Variants in SOX5 observed in about 807,000 individuals in gnomAD.
SOX5 encodes transcription factor SOX-5.
A neutral mutation model predicts 92.0 loss-of-function variants in SOX5; 9 were observed. The observed-to-expected ratio is 0.10, with a 90% CI of 0.06 to 0.17. The LOEUF (loss-of-function observed/expected upper bound fraction) is 0.17. Among genes scored for constraint, SOX5 ranks in the 10% least tolerant of loss-of-function variants. SOX5 has a pLI of 1.00. For synonymous variants in SOX5, 344 were observed against 336.3 expected (o/e 1.02, Z -0.25); for missense variants, 642 against 944.5 (o/e 0.68, Z 4.20).
upstream of SOX5, among the ~76,000 whole-genome samples, chr12:23,949,955 C>T (rs868768351): frequency 3.3e-5 from 5 of 151,910 alleles, no homozygotes; most frequent in African/African-American, 4.8e-5. Context: ...CTGTCCTTTC[C>T]TTTTAATTCT....
At chr12:23,812,742 C>T (rs1043254365) in intron 3 of SOX5, among the ~76,000 whole-genome samples, 1 of 152,038 alleles carries the variant, frequency 6.6e-6, no homozygotes, top group African/African-American at 2.4e-5. Flanking sequence ...TATCAAAATC[C>T]CACTGACTGA....
At chr12:24,533,976 G>T (rs144392829) in intron 1 of SOX5, among the ~76,000 whole-genome samples, 1 of 152,096 alleles carries the variant, frequency 6.6e-6, no homozygotes, top group Non-Finnish European at 1.5e-5. Flanking sequence ...CATCCTATGG[G>T]GTCCAAAGGA....
At chr12:23,819,887 A>C (rs2096072950) in intron 3 of SOX5, among the ~76,000 whole-genome samples, 1 of 152,172 alleles carries the variant, frequency 6.6e-6, no homozygotes, top group Non-Finnish European at 1.5e-5. Context: ...GCTGCAATAA[A>C]CATATGTGTG....
At chr12:23,693,947 A>G (rs1222254392) in intron 6 of SOX5, among the ~76,000 whole-genome samples, 1 of 152,206 alleles carries the variant, frequency 6.6e-6, no homozygotes, top group African/African-American at 2.4e-5. Context: ...TTATTTAAGT[A>G]AAGATATCCG....
At chr12:24,415,627 G>A (rs546193007) in intron 1 of SOX5, among the ~76,000 whole-genome samples, 2 of 152,298 alleles carry the variant, frequency 1.3e-5, no homozygotes, top group South Asian at 4.1e-4. Flanking sequence ...CAAACTGGAA[G>A]TACACAGTAA....
At chr12:24,400,109 G>A (rs941024923) in intron 1 of SOX5, among the ~76,000 whole-genome samples, 1 of 152,166 alleles carries the variant, frequency 6.6e-6, no homozygotes, top group Non-Finnish European at 1.5e-5. Flanking sequence ...CATGAAAGTA[G>A]CTAAAGTAAC....
chr12:23,700,213 G>GT (rs777261999), intron 6 of SOX5, among the ~76,000 whole-genome samples: 9 of 151,328 alleles, frequency 5.9e-5, no homozygotes, highest in Non-Finnish European at 8.8e-5. Context: ...TTTTTCTTCT[G>GT]TTTTTTAACT....
At chr12:23,802,250 T>G (rs58385979) in intron 3 of SOX5, among the ~76,000 whole-genome samples, 16,254 of 151,730 alleles carry the variant, frequency 0.11, 2,072 homozygotes, top group African/African-American at 0.31. Context: ...AATTTTTTTT[T>G]TGTGTATTTT....
chr12:24,353,258 T>C (rs182073004), intron 2 of SOX5, among the ~76,000 whole-genome samples: 15 of 152,214 alleles, frequency 9.9e-5, no homozygotes, highest in Admixed American at 7.8e-4. Flanking sequence ...ATCTGAGAGG[T>C]GTGTACCCTC....
At chr12:24,518,614 G>T (rs1950002639) in intron 1 of SOX5, among the ~76,000 whole-genome samples, 1 of 151,974 alleles carries the variant, frequency 6.6e-6, no homozygotes, top group Admixed American at 6.6e-5. Context: ...CAGGGCAAAA[G>T]AAAGTTGTTA....
chr12:24,358,464 A>G (rs890215060), intron 2 of SOX5, among the ~76,000 whole-genome samples: 3 of 140,764 alleles, frequency 2.1e-5, no homozygotes, highest in African/African-American at 7.4e-5. Context: ...CTTAACTGCC[A>G]AAAAAAATTG....
chr12:23,997,705 T>C lies in SOX5; in HGVS notation c.-1-101681A>G, dbSNP rs80328571. On this transcript the variant is annotated intron_variant, in intron 4 of 4. Transcript: ENST00000446891. Reference sequence around the variant, plus strand: ...GAAACGCTGATCCATCAGCAAACAATAGAACTCTTCTTGGCTCAAAGTGTT... The same window carrying C: ...GAAACGCTGATCCATCAGCAAACAACAGAACTCTTCTTGGCTCAAAGTGTT... Among the ~76,000 whole-genome samples, 23 of 152,310 alleles carry C rather than the reference T, an allele frequency of 1.5e-4. No homozygotes were observed. In the East Asian group the frequency reaches 4.2e-3, roughly 28 times the overall value.
intron 1 of SOX5, among the ~76,000 whole-genome samples, chr12:24,544,196 CTT>C (rs1290017073): frequency 6.6e-6 from 1 of 152,128 alleles, no homozygotes; most frequent in African/African-American, 2.4e-5. Flanking sequence ...AGGAAGCTAT[CTT>C]AAGTTCAGGC....
intron 9 of SOX5, chr12:23,584,583 G>A: frequency 6.2e-7 from 1 of 1,610,786 alleles, no homozygotes; most frequent in Non-Finnish European, 8.5e-7. Flanking sequence ...ATCTCCAACA[G>A]TCTGGTGAAC....
chr12:24,290,059 G>A (rs920693668), intron 2 of SOX5, among the ~76,000 whole-genome samples: 3 of 152,078 alleles, frequency 2.0e-5, no homozygotes. Flanking sequence ...CTTTGTCTGC[G>A]ATCCAAAAGT....
rs1447943542 is a variant in SOX5 at position 24,344,727 on chromosome 12, G to A, written c.-174+23836C>T. 2.6e-5 allele frequency among the ~76,000 whole-genome samples: 4 copies of A among 152,104 alleles called. No individual in the cohort carries two copies. In the South Asian group the frequency reaches 8.3e-4, roughly 32 times the overall value. ...GCACGCCAATGTGCTCTGAATAACCGAAAAATATTTTTGACAAAGGTCAAA... is the reference window on the plus strand; with the variant it reads ...GCACGCCAATGTGCTCTGAATAACCAAAAAATATTTTTGACAAAGGTCAAA... On this transcript the variant is annotated intron_variant, in intron 2 of 4. Transcript: ENST00000446891.
chr12:24,287,247 A>G (rs1217661075), intron 2 of SOX5, among the ~76,000 whole-genome samples: 1 of 152,258 alleles, frequency 6.6e-6, no homozygotes, highest in African/African-American at 2.4e-5. Flanking sequence ...CTTACAAGGT[A>G]TTTTTAGTTA....
intron 9 of SOX5, chr12:23,584,605 G>A: frequency 6.2e-7 from 1 of 1,606,064 alleles, no homozygotes; most frequent in Non-Finnish European, 8.5e-7. Flanking sequence ...CACTATAACT[G>A]ACTGTTTAAT....
chr12:23,547,618 T>C (rs976232026), intron 11 of SOX5, among the ~76,000 whole-genome samples: 5 of 152,060 alleles, frequency 3.3e-5, no homozygotes, highest in African/African-American at 1.2e-4. Context: ...CTGTACATAC[T>C]AAATTAAAAA....
Sources: allele counts gnomAD v4.1 joint callset (sites outside exome capture counted in the v4.1 genomes callset), GRCh38; gene constraint gnomAD v4.1.1; transcripts MANE v1.5; gene names NCBI Gene and HGNC (gene_info 2026-07-23, HGNC 2026-07-21).